The following RGS7BP variants were observed in gnomAD, a reference collection of about 807,000 sequenced individuals.
RGS7BP encodes the protein regulator of G protein signaling 7 binding protein.
RGS7BP carries 9 observed loss-of-function variants against 31.3 expected under a neutral mutation model. That is an observed-to-expected ratio of 0.29 (90% CI 0.17 to 0.50). The LOEUF is 0.50. RGS7BP is among the 20% of genes least tolerant of loss of function. RGS7BP has a pLI of 0.98. For synonymous variants in RGS7BP, 115 were observed against 120.1 expected (o/e 0.96, Z 0.28); for missense variants, 274 against 322.0 (o/e 0.85, Z 1.14).
intron 2 of RGS7BP, among the ~76,000 whole-genome samples, chr5:64,564,470 C>T (rs1324376590): frequency 1.3e-5 from 2 of 152,058 alleles, no homozygotes; most frequent in South Asian, 2.1e-4. Context: ...TGTTGAAGAA[C>T]TTTTGAAGCT....
At chr5:64,571,620 G>A (rs1260016528) in intron 2 of RGS7BP, among the ~76,000 whole-genome samples, 2 of 152,078 alleles carry the variant, frequency 1.3e-5, no homozygotes, top group African/African-American at 2.4e-5. Context: ...ATTCTGGTAA[G>A]CCTTTGTCAT....
intron 3 of RGS7BP, among the ~76,000 whole-genome samples, chr5:64,578,668 T>C (rs1281718630): frequency 6.6e-6 from 1 of 152,202 alleles, no homozygotes; most frequent in African/African-American, 2.4e-5. Context: ...GTGTACACTT[T>C]CAATGTGGCT....
At chr5:64,523,140 T>C (rs770200044) in intron 2 of RGS7BP, among the ~76,000 whole-genome samples, 4 of 152,134 alleles carry the variant, frequency 2.6e-5, no homozygotes, top group Non-Finnish European at 4.4e-5. Flanking sequence ...GAGTTGGTGA[T>C]TGGAGGGAGT....
chr5:64,589,596 A>T (rs887540124), intron 3 of RGS7BP, among the ~76,000 whole-genome samples: 1 of 152,164 alleles, frequency 6.6e-6, no homozygotes, highest in African/African-American at 2.4e-5. Flanking sequence ...ATGACATTGA[A>T]AATGAAAAAG....
chr5:64,550,159 T>C (rs1415218342), intron 2 of RGS7BP, among the ~76,000 whole-genome samples: 1 of 152,214 alleles, frequency 6.6e-6, no homozygotes, highest in African/African-American at 2.4e-5. Context: ...CACTTCCACA[T>C]GTTTAGGTAT....
intron 2 of RGS7BP, among the ~76,000 whole-genome samples, chr5:64,555,107 A>G (rs1741889734): frequency 6.6e-6 from 1 of 152,078 alleles, no homozygotes; most frequent in African/African-American, 2.4e-5. Context: ...TAGACAATGG[A>G]ATGATACCAC....
At chr5:64,524,565 A>C (rs909246301) in intron 2 of RGS7BP, among the ~76,000 whole-genome samples, 4 of 152,216 alleles carry the variant, frequency 2.6e-5, no homozygotes, top group Non-Finnish European at 4.4e-5. Context: ...TATAGATTCA[A>C]CATCAACATT....
At chr5:64,583,117 G>A (rs1308558839) in intron 3 of RGS7BP, among the ~76,000 whole-genome samples, 1 of 152,222 alleles carries the variant, frequency 6.6e-6, no homozygotes, top group Non-Finnish European at 1.5e-5. Flanking sequence ...GCCAGGCGCA[G>A]TGGCTCACTC....
chr5:64,571,458 G>C (rs1004112132), intron 2 of RGS7BP, among the ~76,000 whole-genome samples: 2 of 152,070 alleles, frequency 1.3e-5, no homozygotes, highest in African/African-American at 4.8e-5. Context: ...CCAGGTCATA[G>C]GATGGGTATA....
At chr5:64,548,097 T>G (rs1158015832) in intron 2 of RGS7BP, among the ~76,000 whole-genome samples, 1 of 152,102 alleles carries the variant, frequency 6.6e-6, no homozygotes, top group African/African-American at 2.4e-5. Flanking sequence ...CGCAGCAATA[T>G]AACTTATTAT....
At chr5:64,607,253 A>G (rs1743386937) in intron 5 of RGS7BP, among the ~76,000 whole-genome samples, 1 of 152,122 alleles carries the variant, frequency 6.6e-6, no homozygotes, top group African/African-American at 2.4e-5. Flanking sequence ...TTTCCTGAGC[A>G]TTGTAAACCA....
intron 5 of RGS7BP, among the ~76,000 whole-genome samples, chr5:64,600,182 G>C (rs1743182752): frequency 6.6e-6 from 1 of 152,082 alleles, no homozygotes; most frequent in Non-Finnish European, 1.5e-5. Flanking sequence ...GTCTTAATAG[G>C]TTTGGCAAGC....
chr5:64,577,794 G>A (rs1742476573), intron 3 of RGS7BP, among the ~76,000 whole-genome samples: 2 of 152,120 alleles, frequency 1.3e-5, no homozygotes, highest in South Asian at 2.1e-4. Flanking sequence ...CGCATACAGA[G>A]TAGTATTTTC....
At position 64,506,600 on chromosome 5, in the gene RGS7BP, G is replaced by T. The variant is rs1011106934; in HGVS notation, c.-25G>T. 2 of 1,568,606 alleles carry T rather than the reference G, an allele frequency of 1.3e-6. No individual in the cohort carries two copies. The highest frequency in any genetic ancestry group is 1.7e-6 in the Non-Finnish European group (2 of 1,147,696). On this transcript the variant is annotated 5_prime_UTR_variant, in exon 1 of 6. Coordinates refer to ENST00000334025, the MANE Select transcript of RGS7BP (RefSeq NM_001029875.3). The surrounding 1 kb of genome is among the most constrained non-coding windows in gnomAD (Gnocchi z 4.6). The stretch of plus-strand genomic sequence containing the variant: ...CGCGCCGGGGCGCACTGCACCAGCG[G>T]CTTCGGCTTGGTGGATGTGTATGCA...
chr5:64,546,897 C>T (rs185912281), intron 2 of RGS7BP, among the ~76,000 whole-genome samples: 158 of 152,310 alleles, frequency 1.0e-3, no homozygotes, highest in African/African-American at 3.8e-3. Context: ...GCATTTCCAG[C>T]ACCCCAGAAG....
chr5:64,601,646 C>T (rs574666217), intron 5 of RGS7BP, among the ~76,000 whole-genome samples: 4 of 152,342 alleles, frequency 2.6e-5, no homozygotes, highest in Admixed American at 2.0e-4. Context: ...GCTGTCAGCC[C>T]GCTGTTCTTT....
rs1397007500 is a variant in RGS7BP at position 64,506,822 on chromosome 5, TTTAA to T, written c.165+36_165+39del. 22 of 1,538,122 alleles carry T rather than the reference TTTAA, an allele frequency of 1.4e-5. No homozygotes were observed. The highest frequency in any genetic ancestry group is 1.8e-5 in the Non-Finnish European group (21 of 1,139,134). On this transcript the variant is annotated intron_variant, in intron 1 of 5. Transcript: ENST00000334025. The surrounding 1 kb of genome is among the most constrained non-coding windows in gnomAD (Gnocchi z 4.6). The stretch of plus-strand genomic sequence containing the variant: ...AAAACTGCGCCTCTTTTTTTTTTTT[TTTAA>T]TTGAGAGGGGGTGGGGGGAGTCATG...
At chr5:64,581,157 G>A (rs1012881086) in intron 3 of RGS7BP, among the ~76,000 whole-genome samples, 6 of 152,064 alleles carry the variant, frequency 3.9e-5, no homozygotes, top group African/African-American at 1.4e-4. Flanking sequence ...AGACTGTAGC[G>A]AGCCAAGATC....
At chr5:64,590,770 C>A (rs1236926600) in intron 3 of RGS7BP, among the ~76,000 whole-genome samples, 1 of 151,968 alleles carries the variant, frequency 6.6e-6, no homozygotes. Context: ...CATGGAATTG[C>A]CACAAGGATA....
Sources: gnomAD v4.1 joint callset for allele counts (sites outside exome capture counted in the v4.1 genomes callset) on GRCh38, gnomAD v4.1.1 for gene constraint, Gnocchi (gnomAD v3.1) non-coding constraint, MANE v1.5 for transcripts, NCBI Gene and HGNC (gene_info 2026-07-23, HGNC 2026-07-21) for gene names.